Variants in SND1 observed in about 807,000 individuals in gnomAD.
SND1 encodes staphylococcal nuclease domain-containing protein 1.
A neutral mutation model predicts 121.7 loss-of-function variants in SND1; 38 were observed. That is an observed-to-expected ratio of 0.31 (90% CI 0.24 to 0.41). The LOEUF (loss-of-function observed/expected upper bound fraction) is 0.41, where lower values mean the gene tolerates loss of function less well. Ranked by LOEUF, SND1 falls within the 10% of genes least tolerant of loss-of-function variation. The pLI, the probability that SND1 is intolerant of heterozygous loss-of-function variation, is 1.00. For missense variants in SND1, 868 were observed against 1,184.6 expected, an observed-to-expected ratio of 0.73 and a Z score of 3.92; for synonymous variants, 401 against 447.4, an observed-to-expected ratio of 0.90 and a Z score of 1.31.
intron 13 of SND1, 104 bp from the exon 14 acceptor site, chr7:127,904,643 A>G (rs1800298522): frequency 1.4e-6 from 1 of 708,268 alleles, no homozygotes; most frequent in Non-Finnish European, 2.6e-6. Context: ...GTAGTCATAC[A>G]TCCCCACTTT....
intron 9 of SND1, chr7:127,718,473 C>A: frequency 1.6e-6 from 1 of 620,442 alleles, no homozygotes; most frequent in Non-Finnish European, 2.0e-6. Context: ...ATAAACCCCA[C>A]TTATACACAC....
intron 1 of SND1, among the ~76,000 whole-genome samples, chr7:127,685,007 A>G (rs1408524751): frequency 6.6e-6 from 1 of 152,204 alleles, no homozygotes; most frequent in East Asian, 1.9e-4. Flanking sequence ...TATTCGTACA[A>G]AATCCTTGGT....
chr7:128,032,139 T>C (rs970178484), intron 16 of SND1: 3 of 151,772 alleles, frequency 2.0e-5, no homozygotes, highest in African/African-American at 4.8e-5. Flanking sequence ...GGGAGAAGAT[T>C]AGCGTGATGC....
intron 3 of SND1, among the ~76,000 whole-genome samples, chr7:127,697,025 G>A (rs561778487): frequency 6.6e-6 from 1 of 152,148 alleles, no homozygotes; most frequent in Non-Finnish European, 1.5e-5. Flanking sequence ...TAGATAATTA[G>A]CATTTGTGTT....
At chr7:127,669,299 C>T (rs1442683659) in intron 1 of SND1, among the ~76,000 whole-genome samples, 1 of 152,092 alleles carries the variant, frequency 6.6e-6, no homozygotes, top group Non-Finnish European at 1.5e-5. Context: ...CCAGCGGTCC[C>T]CTTTTTACAG....
intron 2 of SND1, among the ~76,000 whole-genome samples, chr7:127,693,502 A>G (rs77307771): frequency 0.012 from 1,820 of 152,204 alleles, 12 homozygotes; most frequent in Non-Finnish European, 0.018. Context: ...TGGACCTGCC[A>G]CCTTTTGATT....
intron 12 of SND1, among the ~76,000 whole-genome samples, chr7:127,853,852 G>A (rs1307263633): frequency 1.3e-5 from 2 of 152,172 alleles, no homozygotes; most frequent in Non-Finnish European, 2.9e-5. Context: ...GGCATCACAG[G>A]GAAGTGGAGA....
intron 16 of SND1, among the ~76,000 whole-genome samples, chr7:128,049,133 T>C (rs1031816940): frequency 5.3e-5 from 8 of 152,142 alleles, no homozygotes; most frequent in Non-Finnish European, 1.0e-4. Context: ...CATGCTACCC[T>C]TACTGGAGCA....
intron 16 of SND1, among the ~76,000 whole-genome samples, chr7:128,057,122 T>C (rs893773543): frequency 1.3e-5 from 2 of 152,210 alleles, no homozygotes; most frequent in African/African-American, 4.8e-5. Flanking sequence ...TTCTGGAATT[T>C]TCCATTTAAT....
chr7:127,718,125 T>G (rs1356217177), intron 9 of SND1, among the ~76,000 whole-genome samples: 1 of 152,184 alleles, frequency 6.6e-6, no homozygotes, highest in Non-Finnish European at 1.5e-5. Flanking sequence ...ACTTTTTCCA[T>G]GTAGACTTTT....
intron 10 of SND1, among the ~76,000 whole-genome samples, chr7:127,792,070 A>C (rs1797918389): frequency 6.6e-6 from 1 of 152,228 alleles, no homozygotes; most frequent in Admixed American, 6.5e-5. Flanking sequence ...TATCTTGCAC[A>C]TTCCATGGAT....
At chr7:127,805,521 A>G (rs569583835) in intron 10 of SND1, among the ~76,000 whole-genome samples, 2 of 152,348 alleles carry the variant, frequency 1.3e-5, no homozygotes, top group African/African-American at 4.8e-5. Context: ...TGAAAGTGTT[A>G]TCTGCATTCT....
chr7:127,747,420 A>G (rs780474803), intron 10 of SND1, among the ~76,000 whole-genome samples: 1 of 152,156 alleles, frequency 6.6e-6, no homozygotes, highest in Non-Finnish European at 1.5e-5. Flanking sequence ...TTTTTATTCA[A>G]GGTTCAGATG....
chr7:127,997,227 C>G (rs1170820806), intron 16 of SND1, among the ~76,000 whole-genome samples: 1 of 152,210 alleles, frequency 6.6e-6, no homozygotes, highest in East Asian at 1.9e-4. Context: ...CTCCTCAAAT[C>G]ATGCCAGTTT....
At chr7:127,653,975 ATCT>A (rs1795168632) in intron 1 of SND1, among the ~76,000 whole-genome samples, 1 of 152,200 alleles carries the variant, frequency 6.6e-6, no homozygotes, top group African/African-American at 2.4e-5. Context: ...ATTTGCACTG[ATCT>A]TCTCTTCACC....
intron 8 of SND1, among the ~76,000 whole-genome samples, chr7:127,707,051 A>G (rs1030460217): frequency 6.6e-6 from 1 of 152,212 alleles, no homozygotes; most frequent in African/African-American, 2.4e-5. Context: ...TTCTGGCTAC[A>G]TAGGTTTTTT....
intron 12 of SND1, among the ~76,000 whole-genome samples, chr7:127,883,611 T>G (rs1027395049): frequency 6.6e-6 from 1 of 152,164 alleles, no homozygotes; most frequent in Admixed American, 6.5e-5. Context: ...TCCTGCATAC[T>G]CAGAAAACAT....
At chr7:127,687,416 A>G (rs1004987270) in intron 2 of SND1, among the ~76,000 whole-genome samples, 1 of 152,186 alleles carries the variant, frequency 6.6e-6, no homozygotes, top group Admixed American at 6.5e-5. Flanking sequence ...TCCATCACCA[A>G]AATATTGAAC....
chr7:127,802,805 G>A (rs908281801), intron 10 of SND1, among the ~76,000 whole-genome samples: 4 of 152,042 alleles, frequency 2.6e-5, no homozygotes, highest in Admixed American at 6.6e-5. Context: ...GAATCTTCCC[G>A]ATCTTATTTG....
Sources: allele counts gnomAD v4.1 joint callset (sites outside exome capture counted in the v4.1 genomes callset), GRCh38; gene constraint gnomAD v4.1.1; transcripts MANE v1.5; gene names NCBI Gene and HGNC (gene_info 2026-07-23, HGNC 2026-07-21).